PDE2A: variants seen among roughly 807,000 people sequenced by gnomAD.
PDE2A encodes phosphodiesterase 2A.
A neutral mutation model predicts 133.6 loss-of-function variants in PDE2A; 53 were observed. That is an observed-to-expected ratio of 0.40 (90% CI 0.32 to 0.50). The LOEUF (loss-of-function observed/expected upper bound fraction) is 0.50, where lower values mean the gene tolerates loss of function less well. Ranked by LOEUF, PDE2A falls within the 20% of genes least tolerant of loss-of-function variation. The probability of loss-of-function intolerance (pLI) is 0.73; values close to 1 mark genes in which losing one functional copy is unlikely to be tolerated. For synonymous variants in PDE2A, 491 were observed against 490.2 expected (o/e 1.00, Z -0.02); for missense variants, 796 against 1,232.4 (o/e 0.65, Z 5.30).
At chr11:72,587,080 C>A (rs1277075552) in intron 13 of PDE2A, among the ~76,000 whole-genome samples, 1 of 152,190 alleles carries the variant, frequency 6.6e-6, no homozygotes, top group East Asian at 1.9e-4. Flanking sequence ...CTCTTTCACA[C>A]CTTCATGCTT....
intron 30 of PDE2A, among the ~76,000 whole-genome samples, chr11:72,577,810 T>C: frequency 1.3e-5 from 2 of 152,082 alleles, no homozygotes; most frequent in East Asian, 3.9e-4. Context: ...CCATCTCTAC[T>C]AAAAATACAA....
chr11:72,636,979 C>T (rs877133), intron 2 of PDE2A, among the ~76,000 whole-genome samples: 1 of 152,236 alleles, frequency 6.6e-6, no homozygotes, highest in African/African-American at 2.4e-5. Flanking sequence ...CCCCATCCCC[C>T]CGGACCCAGC....
chr11:72,586,001 C>G, intron 14 of PDE2A, 69 bp downstream of exon 14: 1 of 918,304 alleles, frequency 1.1e-6, no homozygotes, highest in Non-Finnish European at 1.8e-6. Context: ...CATTTCCCTT[C>G]TGAATGGCTC....
chr11:72,625,849 G>C (rs553310963), intron 2 of PDE2A, among the ~76,000 whole-genome samples: 1 of 152,160 alleles, frequency 6.6e-6, no homozygotes. Flanking sequence ...AAGGACACAC[G>C]GAGGCCAGTG....
chr11:72,638,515 C>T (rs1432220152), intron 2 of PDE2A, among the ~76,000 whole-genome samples: 2 of 152,148 alleles, frequency 1.3e-5, no homozygotes, highest in Non-Finnish European at 2.9e-5. Flanking sequence ...AACCAGGCGC[C>T]CCAGACTGGG....
intron 12 of PDE2A, 25 bp from the exon 13 acceptor site, chr11:72,588,939 C>A: frequency 1.3e-6 from 2 of 1,587,214 alleles, no homozygotes; most frequent in Non-Finnish European, 1.7e-6. Flanking sequence ...CAAGTCAGGG[C>A]AGGGAAGCAG....
chr11:72,603,556 C>A (rs1317601883), intron 4 of PDE2A, among the ~76,000 whole-genome samples: 2 of 152,180 alleles, frequency 1.3e-5, no homozygotes, highest in Admixed American at 6.5e-5. Flanking sequence ...CTCCGAGGAG[C>A]CTTCCTGGAG....
chr11:72,617,760 G>A (rs1565173840), intron 2 of PDE2A, among the ~76,000 whole-genome samples: 1 of 152,216 alleles, frequency 6.6e-6, no homozygotes, highest in Non-Finnish European at 1.5e-5. Flanking sequence ...AGCCCCTGAG[G>A]AGAAGTCCCT....
intron 6 of PDE2A, among the ~76,000 whole-genome samples, chr11:72,592,889 G>C (rs919455450): frequency 2.6e-5 from 4 of 152,066 alleles, no homozygotes; most frequent in African/African-American, 9.7e-5. Context: ...AGCGGGGGCG[G>C]GAGGGAGGAG....
chr11:72,630,153 C>T (rs956245698), intron 2 of PDE2A, among the ~76,000 whole-genome samples: 2 of 152,030 alleles, frequency 1.3e-5, no homozygotes, highest in Non-Finnish European at 2.9e-5. Context: ...TGGCACCCCT[C>T]GCAGGGCAGG....
chr11:72,618,982 G>T (rs1857613367), intron 2 of PDE2A, among the ~76,000 whole-genome samples: 1 of 152,192 alleles, frequency 6.6e-6, no homozygotes, highest in South Asian at 2.1e-4. Flanking sequence ...GGAGTCTCTG[G>T]AATCTCTCCT....
intron 3 of PDE2A, among the ~76,000 whole-genome samples, 183 bp from the exon 4 acceptor site, chr11:72,605,409 T>C (rs375627766): frequency 6.6e-6 from 1 of 152,126 alleles, no homozygotes; most frequent in African/African-American, 2.4e-5. Flanking sequence ...AAACACCCGG[T>C]GAACTAAGCA....
At chr11:72,604,373 G>T (rs1856882329) in intron 4 of PDE2A, among the ~76,000 whole-genome samples, 1 of 152,234 alleles carries the variant, frequency 6.6e-6, no homozygotes, top group African/African-American at 2.4e-5. Flanking sequence ...CCATCTGGAA[G>T]ATGAGGAGGC....
chr11:72,652,367 C>T (rs1457285582), intron 1 of PDE2A: 1 of 391,756 alleles, frequency 2.6e-6, no homozygotes, highest in African/African-American at 2.1e-5. Context: ...CTGCCTCAGC[C>T]TCCCTAGTAG....
intron 2 of PDE2A, among the ~76,000 whole-genome samples, chr11:72,640,524 A>G (rs1858908932): frequency 1.3e-5 from 2 of 152,140 alleles, no homozygotes. Context: ...GCCACCACAC[A>G]GACACATGAC....
chr11:72,656,783 C>T (rs977629748), intron 1 of PDE2A, among the ~76,000 whole-genome samples: 8 of 152,122 alleles, frequency 5.3e-5, no homozygotes, highest in African/African-American at 1.9e-4. Context: ...AGCCTGTACT[C>T]TCAGTCTGTC....
At chr11:72,583,690 A>AC (rs56267207) in intron 19 of PDE2A, 175 bp from the exon 20 acceptor site, 596,299 of 600,592 alleles carry the variant, frequency 0.99, 296,130 homozygotes, top group East Asian at 1. Context: ...TTTCATCCAG[A>AC]CCCCGCGCCG....
intron 1 of PDE2A, among the ~76,000 whole-genome samples, chr11:72,663,395 G>C (rs188774959): frequency 6.6e-6 from 1 of 152,180 alleles, no homozygotes; most frequent in East Asian, 1.9e-4. Context: ...TAGATAATGC[G>C]CATATGAGTC....
intron 2 of PDE2A, among the ~76,000 whole-genome samples, chr11:72,611,695 C>T (rs1221837243): frequency 1.3e-5 from 2 of 152,174 alleles, no homozygotes; most frequent in African/African-American, 4.8e-5. Flanking sequence ...TCTTTGTGGG[C>T]ATCCTTCTGT....
Sources: allele counts gnomAD v4.1 joint callset (sites outside exome capture counted in the v4.1 genomes callset), GRCh38; gene constraint gnomAD v4.1.1; transcripts MANE v1.5; gene names NCBI Gene and HGNC (gene_info 2026-07-23, HGNC 2026-07-21).